LRP1B: variants seen among roughly 807,000 people sequenced by gnomAD.
The protein encoded by LRP1B is low-density lipoprotein receptor-related protein 1B.
A neutral mutation model predicts 556.6 loss-of-function variants in LRP1B; 217 were observed. That is an observed-to-expected ratio of 0.39 (90% CI 0.35 to 0.44). LRP1B has a LOEUF of 0.44. Among genes scored for constraint, LRP1B ranks in the 20% least tolerant of loss-of-function variants. LRP1B has a pLI of 1.00. For synonymous variants in LRP1B, 2,047 were observed against 1,865.8 expected (o/e 1.10, Z -2.50); for missense variants, 5,053 against 5,620.8 (o/e 0.90, Z 3.23).
intron 7 of LRP1B, among the ~76,000 whole-genome samples, chr2:141,151,141 T>C (rs1157244705): frequency 6.6e-6 from 1 of 152,164 alleles, no homozygotes; most frequent in Non-Finnish European, 1.5e-5. Context: ...TGCCTTAAAA[T>C]AATGGTTTAT....
At chr2:141,622,779 T>G (rs1452095689) in intron 2 of LRP1B, among the ~76,000 whole-genome samples, 1 of 152,224 alleles carries the variant, frequency 6.6e-6, no homozygotes, top group Non-Finnish European at 1.5e-5. Flanking sequence ...TCTGATGTTC[T>G]CTAGGTAGCT....
intron 1 of LRP1B, among the ~76,000 whole-genome samples, chr2:141,984,855 C>T (rs1158896189): frequency 6.6e-6 from 1 of 152,172 alleles, no homozygotes; most frequent in East Asian, 1.9e-4. Flanking sequence ...AAATAGGCTA[C>T]CTGCTGAGGT....
At chr2:140,754,468 CAA>C (rs1688679175) in intron 35 of LRP1B, among the ~76,000 whole-genome samples, 1 of 152,072 alleles carries the variant, frequency 6.6e-6, no homozygotes, top group African/African-American at 2.4e-5. Context: ...TAAAATCATA[CAA>C]AGTGTGTTCT....
intron 31 of LRP1B, among the ~76,000 whole-genome samples, chr2:140,827,336 G>T (rs886091322): frequency 6.6e-6 from 1 of 152,020 alleles, no homozygotes; most frequent in Non-Finnish European, 1.5e-5. Flanking sequence ...AATTCAAAAT[G>T]GTAGTTCTGA....
At chr2:141,519,143 C>T (rs997969859) in intron 2 of LRP1B, among the ~76,000 whole-genome samples, 2 of 151,778 alleles carry the variant, frequency 1.3e-5, no homozygotes, top group African/African-American at 4.8e-5. Flanking sequence ...GGAAACGGTG[C>T]TGTCAAGACT....
At chr2:140,943,896 C>T (rs528645835) in intron 20 of LRP1B, among the ~76,000 whole-genome samples, 2 of 151,936 alleles carry the variant, frequency 1.3e-5, no homozygotes, top group South Asian at 4.2e-4. Flanking sequence ...CAAAGGCTAG[C>T]AGAAGAAAAG....
chr2:140,693,997 C>T (rs1233041232), intron 41 of LRP1B, among the ~76,000 whole-genome samples: 7 of 152,156 alleles, frequency 4.6e-5, no homozygotes, highest in South Asian at 2.1e-4. Flanking sequence ...CATGAGCCAC[C>T]GCTCCAGGCC....
intron 11 of LRP1B, among the ~76,000 whole-genome samples, chr2:141,024,185 A>G (rs774314293): frequency 2.0e-5 from 3 of 152,006 alleles, no homozygotes; most frequent in African/African-American, 4.8e-5. Context: ...CTTGCTGAAT[A>G]AGCTGTCTCA....
At chr2:142,069,459 A>G (rs1173986423) in intron 1 of LRP1B, among the ~76,000 whole-genome samples, 1 of 141,348 alleles carries the variant, frequency 7.1e-6, no homozygotes, top group Non-Finnish European at 1.5e-5. Context: ...TGGTTTGTCC[A>G]AAGAGACCTG....
chr2:141,830,412 A>G (rs1225522537), intron 1 of LRP1B, among the ~76,000 whole-genome samples: 1 of 151,914 alleles, frequency 6.6e-6, no homozygotes, highest in African/African-American at 2.4e-5. Context: ...GTATGAAATA[A>G]TATCTAAACC....
intron 59 of LRP1B, among the ~76,000 whole-genome samples, chr2:140,483,615 C>CACACACACACAT (rs1403726877): frequency 1.1e-5 from 1 of 88,352 alleles, no homozygotes; most frequent in African/African-American, 4.5e-5. Context: ...CACACACACA[C>CACACACACACAT]ATATATATAT....
At chr2:142,056,973 C>G (rs150108080) in intron 1 of LRP1B, among the ~76,000 whole-genome samples, 1 of 152,212 alleles carries the variant, frequency 6.6e-6, no homozygotes, top group African/African-American at 2.4e-5. Context: ...ATGGAAAAAA[C>G]AGACAACTCA....
chr2:141,604,000 A>G (rs1002467843), intron 2 of LRP1B, among the ~76,000 whole-genome samples: 3 of 152,182 alleles, frequency 2.0e-5, no homozygotes, highest in African/African-American at 7.2e-5. Flanking sequence ...AAATCTTCCT[A>G]ATTCTTCACA....
intron 2 of LRP1B, among the ~76,000 whole-genome samples, chr2:141,707,702 T>C (rs1692195221): frequency 6.6e-6 from 1 of 152,180 alleles, no homozygotes; most frequent in Admixed American, 6.6e-5. Flanking sequence ...GAGGCAGAAA[T>C]AAACTGACTG....
chr2:140,916,951 A>C (rs1694598488), intron 21 of LRP1B, among the ~76,000 whole-genome samples: 1 of 152,212 alleles, frequency 6.6e-6, no homozygotes, highest in Admixed American at 6.5e-5. Flanking sequence ...TCAGTGCATT[A>C]TAATGACTTC....
chr2:141,324,105 A>G (rs1422411820), intron 3 of LRP1B, among the ~76,000 whole-genome samples: 1 of 144,542 alleles, frequency 6.9e-6, no homozygotes, highest in Admixed American at 7.0e-5. Context: ...ACATACCTGA[A>G]CAAAGAAATC....
intron 11 of LRP1B, among the ~76,000 whole-genome samples, chr2:141,023,193 T>C (rs116225841): frequency 0.014 from 2,167 of 152,070 alleles, 53 homozygotes; most frequent in African/African-American, 0.048. Context: ...TTCTACAACA[T>C]GTTATCTTTG....
intron 21 of LRP1B, among the ~76,000 whole-genome samples, chr2:140,920,725 T>G (rs1439404709): frequency 1.3e-5 from 2 of 152,034 alleles, no homozygotes; most frequent in Non-Finnish European, 2.9e-5. Flanking sequence ...CAGATCAGAT[T>G]AGAAGCAGAT....
intron 2 of LRP1B, among the ~76,000 whole-genome samples, chr2:141,536,033 T>G (rs1182222341): frequency 6.6e-6 from 1 of 152,114 alleles, no homozygotes; most frequent in Non-Finnish European, 1.5e-5. Context: ...TCAATGTACA[T>G]GCAAGATTGT....
Sources: gnomAD v4.1 joint callset for allele counts (sites outside exome capture counted in the v4.1 genomes callset) on GRCh38, gnomAD v4.1.1 for gene constraint, MANE v1.5 for transcripts, NCBI Gene and HGNC (gene_info 2026-07-23, HGNC 2026-07-21) for gene names.